TBC1D1: variants seen among roughly 807,000 people sequenced by gnomAD.
TBC1D1 encodes the protein TBC1 domain family member 1.
A neutral mutation model predicts 125.6 loss-of-function variants in TBC1D1; 89 were observed. That is an observed-to-expected ratio of 0.71 (90% confidence interval 0.60 to 0.85). The LOEUF is 0.85. Among genes scored for constraint, TBC1D1 ranks in the 40% least tolerant of loss-of-function variants. TBC1D1 has a pLI of 0.00. For missense variants in TBC1D1, 1,377 were observed against 1,469.2 expected, an observed-to-expected ratio of 0.94 and a Z score of 1.03; for synonymous variants, 565 against 564.1, an observed-to-expected ratio of 1.00 and a Z score of -0.02.
chr4:37,907,829 T>G (rs1396994765), intron 2 of TBC1D1, among the ~76,000 whole-genome samples: 1 of 152,220 alleles, frequency 6.6e-6, no homozygotes, highest in Non-Finnish European at 1.5e-5. Flanking sequence ...CTCCAGTTCT[T>G]CAGCCTTGTC....
Position 38,133,153 on chromosome 4 carries a change from C to T in TBC1D1, c.3202C>T (p.Leu1068Phe). 6.2e-7 allele frequency: 1 copy of T among 1,614,132 alleles called. No individual in the cohort carries two copies. Among genetic ancestry groups the T allele is most frequent in the Non-Finnish European group, 8.5e-7 (1 of 1,179,972 alleles). ...TGAGTACCACGTCCTTCAAGAAGAA[C>T]TTATCGATTCCTCTCCTCTCAGTGA... Residue 1068 changes from leucine to phenylalanine, a missense_variant, in exon 19 of 20, where the codon CTT (leucine) becomes TTT (phenylalanine). Leu to Phe is a conservative substitution (Grantham distance 22). Transcript: ENST00000261439.
At chr4:38,064,087 A>T (rs948632486) in intron 12 of TBC1D1, among the ~76,000 whole-genome samples, 39 of 152,218 alleles carry the variant, frequency 2.6e-4, no homozygotes, top group African/African-American at 9.2e-4. Context: ...CAATCATATA[A>T]TATGTGGTCT....
rs183961721 is a variant in TBC1D1, at chr4:37,943,324, T to A, written c.417+40812T>A. ...TGACAATTATGTGTCTTGGAGTTAC[T>A]CTTCTCAAGGAGTATCTTTGTGGCA... On this transcript the variant is annotated intron_variant, in intron 2 of 19. Transcript: ENST00000261439. Among the ~76,000 whole-genome samples, 1,459 of 152,308 alleles carry A rather than the reference T, an allele frequency of 9.6e-3. 23 individuals are homozygous for A. Among genetic ancestry groups the A allele is most frequent in the African/African-American group, 0.033 (1,387 of 41,552 alleles).
At chr4:37,996,633 T>C (rs1478405836) in intron 2 of TBC1D1, among the ~76,000 whole-genome samples, 1 of 152,268 alleles carries the variant, frequency 6.6e-6, no homozygotes, top group Non-Finnish European at 1.5e-5. Context: ...GTCTGGCATA[T>C]TTTAAAATTG....
intron 5 of TBC1D1, 161 bp downstream of exon 5, chr4:38,020,856 C>G: frequency 2.0e-6 from 1 of 505,304 alleles, no homozygotes; most frequent in Non-Finnish European, 3.6e-6. Context: ...TAATACACAT[C>G]TGAAGCTTAA....
chr4:37,894,697 AT>A (rs1714163708), intron 1 of TBC1D1, among the ~76,000 whole-genome samples: 3 of 152,136 alleles, frequency 2.0e-5, no homozygotes, highest in Admixed American at 2.0e-4. Flanking sequence ...AATATTATTT[AT>A]TGCTATTATT....
intron 1 of TBC1D1, among the ~76,000 whole-genome samples, chr4:37,893,460 A>C (rs1713810906): frequency 6.6e-6 from 1 of 152,174 alleles, no homozygotes; most frequent in Admixed American, 6.6e-5. Context: ...AATATTTTAT[A>C]TATTTCTCAG....
intron 15 of TBC1D1, 89 bp downstream of exon 17, chr4:38,103,246 G>A (rs1760688298): frequency 5.1e-6 from 7 of 1,374,962 alleles, no homozygotes; most frequent in South Asian, 4.7e-5. Context: ...GTATTGACCT[G>A]CCTTTAGGTT....
intron 12 of TBC1D1, among the ~76,000 whole-genome samples, chr4:38,058,968 GTCTAATC>G (rs775758483): frequency 4.6e-5 from 7 of 152,194 alleles, no homozygotes; most frequent in African/African-American, 1.4e-4. Context: ...GAGGTGGATA[GTCTAATC>G]TCTAATAGTA....
Position 38,137,497 on chromosome 4 carries a change from AG to A in TBC1D1, c.*167del. On this transcript the variant is annotated 3_prime_UTR_variant, in exon 20 of 20. Coordinates refer to ENST00000261439, the MANE Select transcript of TBC1D1 (RefSeq NM_015173.4). ...TCTTACGAACTCCAACTTGCAATTC[AG>A]GGGGCATGTCCCAGTGTTTTTTTTG... The A allele has an allele frequency of 2.9e-6, 3 of 1,030,568 alleles. No individual in the cohort carries two copies. Among genetic ancestry groups the A allele is most frequent in the Non-Finnish European group, 3.8e-6 (3 of 783,956 alleles). The allele number at this position is 1,030,568 out of a possible 1,614,324, so 63.8% of individuals were successfully genotyped here.
At chr4:37,980,800 A>T (rs1734193410) in intron 2 of TBC1D1, among the ~76,000 whole-genome samples, 1 of 149,366 alleles carries the variant, frequency 6.7e-6, no homozygotes, top group African/African-American at 2.5e-5. Flanking sequence ...TGCTCATTCA[A>T]CAAGTGTTTT....
At chr4:38,002,499 A>G (rs1739270078) in intron 2 of TBC1D1, among the ~76,000 whole-genome samples, 1 of 152,224 alleles carries the variant, frequency 6.6e-6, no homozygotes. Context: ...TTTCTCTTCT[A>G]AGACCTATTT....
chr4:37,897,421 T>C (rs577572853), intron 1 of TBC1D1, among the ~76,000 whole-genome samples: 1 of 152,352 alleles, frequency 6.6e-6, no homozygotes, highest in African/African-American at 2.4e-5. Context: ...CTATGTTGGA[T>C]GTAGAACTTA....
Position 38,137,707 on chromosome 4 carries a change from A to G in TBC1D1, c.*372A>G, listed in dbSNP as rs960820744. The stretch of plus-strand genomic sequence containing the variant: ...TCAAAAGCTGGAAGAGCTCGAGATC[A>G]TGCCTCAGGCAAAGGCGTGGGTCCA... On this transcript the variant is annotated 3_prime_UTR_variant, in exon 20 of 20. Coordinates refer to ENST00000261439, the MANE Select transcript of TBC1D1 (RefSeq NM_015173.4). 56 of 183,360 alleles carry G rather than the reference A, an allele frequency of 3.1e-4. No individual in the cohort carries two copies. The highest frequency in any genetic ancestry group is 6.2e-4 in the Admixed American group (10 of 16,096). The allele number at this position is 183,360 out of a possible 1,614,324, so 11.4% of individuals were successfully genotyped here. A position where few individuals can be genotyped will look rare whatever the true frequency, so the allele number is the denominator to read the frequency against.
intron 2 of TBC1D1, among the ~76,000 whole-genome samples, chr4:37,931,640 G>A (rs1209595342): frequency 6.6e-6 from 1 of 151,954 alleles, no homozygotes; most frequent in Non-Finnish European, 1.5e-5. Context: ...ACCACACCTG[G>A]CTAATTTTTG....
At chr4:38,023,460 A>G (rs1744476068) in intron 6 of TBC1D1, among the ~76,000 whole-genome samples, 1 of 152,106 alleles carries the variant, frequency 6.6e-6, no homozygotes, top group Non-Finnish European at 1.5e-5. Flanking sequence ...GAACTTTTTC[A>G]TTTTCCAAAA....
chr4:38,083,400 T>C (rs1408713890), intron 12 of TBC1D1, among the ~76,000 whole-genome samples: 1 of 152,200 alleles, frequency 6.6e-6, no homozygotes, highest in African/African-American at 2.4e-5. Context: ...TACCTGCACA[T>C]CTTGTTTATG....
At chr4:38,013,812 TC>T (rs555153482) in intron 2 of TBC1D1, among the ~76,000 whole-genome samples, 179 of 152,304 alleles carry the variant, frequency 1.2e-3, no homozygotes, top group Admixed American at 8.2e-3. Context: ...ATGTGAAGAA[TC>T]CCTGGTGAGC....
chr4:37,972,903 CAA>C (rs33977382), intron 2 of TBC1D1, among the ~76,000 whole-genome samples: 1,391 of 104,542 alleles, frequency 0.013, 17 homozygotes, highest in East Asian at 0.022. Flanking sequence ...ACTCCATCTC[CAA>C]AAAAAAAAAA....
Sources: gnomAD v4.1 joint callset for allele counts (sites outside exome capture counted in the v4.1 genomes callset) on GRCh38, gnomAD v4.1.1 for gene constraint, MANE v1.5 for transcripts, NCBI Gene and HGNC (gene_info 2026-07-23, HGNC 2026-07-21) for gene names.